Variants in LYZL4 observed in about 807,000 individuals in gnomAD.
LYZL4 encodes lysozyme like 4.
LYZL4 carries 13 observed loss-of-function variants against 17.6 expected under a neutral mutation model. The ratio of observed to expected loss-of-function variants is 0.74; its 90% CI spans 0.48 to 1.18. LYZL4 has a LOEUF of 1.18. LYZL4 is among the 50% of genes most tolerant of loss of function. The probability of loss-of-function intolerance (pLI) is 0.00; values close to 1 mark genes in which losing one functional copy is unlikely to be tolerated. For synonymous variants in LYZL4, 64 were observed against 67.7 expected, an observed-to-expected ratio of 0.95 and a Z score of 0.27; for missense variants, 174 against 188.2, an observed-to-expected ratio of 0.92 and a Z score of 0.44.
At chr3:42,384,922 CAAAGCAT>C in the LYZL4 span, among the ~76,000 whole-genome samples, 7 of 152,086 alleles carry the variant, frequency 4.6e-5, no homozygotes, top group Non-Finnish European at 8.8e-5. Context: ...GGTAAATACC[CAAAGCAT>C]CAGCTGAAAG....
rs772210164 is a variant in LYZL4 at position 42,404,041 on chromosome 3, C to T, written c.371+5G>A. 4.4e-6 allele frequency: 7 copies of T among 1,592,076 alleles called. No individual in the cohort carries two copies. In the South Asian group the frequency reaches 4.4e-5, roughly 10 times the overall value. On this transcript the variant is annotated splice_donor_5th_base_variant and intron_variant, in intron 4 of 4. Coordinates refer to ENST00000287748, the MANE Select transcript of LYZL4 (RefSeq NM_144634.4). ...ATACAGGCTACATAAAAATGTAAGA[C>T]TTACCATGCTCCCATCCCTTCTTTT...
intron 4 of LYZL4, among the ~76,000 whole-genome samples, chr3:42,398,895 A>G (rs926240286): frequency 6.6e-6 from 1 of 152,218 alleles, no homozygotes; most frequent in Non-Finnish European, 1.5e-5. Context: ...AATACCATAA[A>G]ATCAAAATAC....
At chr3:42,386,346 GC>G in the LYZL4 span, among the ~76,000 whole-genome samples, 2 of 145,766 alleles carry the variant, frequency 1.4e-5, no homozygotes, top group Admixed American at 1.4e-4. Flanking sequence ...CAAGTGATCT[GC>G]CCGCCTCAGC....
chr3:42,389,915 C>G, the LYZL4 span, among the ~76,000 whole-genome samples: 51,582 of 151,976 alleles, frequency 0.34, 9,219 homozygotes, highest in African/African-American at 0.46. Flanking sequence ...AGAAAAAGCT[C>G]CGACAAAGTT....
At chr3:42,392,243 C>A (rs1021915034), downstream of LYZL4, among the ~76,000 whole-genome samples, 1 of 152,084 alleles carries the variant, frequency 6.6e-6, no homozygotes, top group African/African-American at 2.4e-5. Context: ...GCTGGGAGCA[C>A]CCGCAGTTCA....
At chr3:42,400,342 G>T (rs17074392) in intron 4 of LYZL4, among the ~76,000 whole-genome samples, 4,556 of 152,232 alleles carry the variant, frequency 0.03, 226 homozygotes, top group African/African-American at 0.1. Flanking sequence ...CCATCTCTTT[G>T]AGTATAACCT....
chr3:42,407,361 G>A lies in LYZL4; in HGVS notation c.-92-18C>T. ...GAAGGGCACTGTGGGGGTGGGGGTG[G>A]AGCACAGTTCAGTGTCATCAGAAAA... On this transcript the variant is annotated intron_variant, in intron 1 of 4. Transcript: ENST00000287748. 1 of 1,434,302 alleles carries A rather than the reference G, an allele frequency of 7.0e-7. No homozygotes were observed. 88.8% of individuals were successfully genotyped at this position (1,434,302 alleles called of 1,614,324 possible).
chr3:42,360,875 G>T, the LYZL4 span, among the ~76,000 whole-genome samples: 2 of 151,958 alleles, frequency 1.3e-5, no homozygotes, highest in Non-Finnish European at 2.9e-5. Context: ...CGTCATATCT[G>T]TGTTACTAAT....
At chr3:42,395,055 G>A (rs950442900), downstream of LYZL4, among the ~76,000 whole-genome samples, 4 of 152,308 alleles carry the variant, frequency 2.6e-5, no homozygotes, top group African/African-American at 7.2e-5. Flanking sequence ...TATGATTCAT[G>A]CTGTGTGGTT....
chr3:42,378,218 C>T, the LYZL4 span, among the ~76,000 whole-genome samples: 1 of 152,178 alleles, frequency 6.6e-6, no homozygotes, highest in African/African-American at 2.4e-5. Context: ...CCCCTAGTTT[C>T]TCCCAGGCAT....
the LYZL4 span, among the ~76,000 whole-genome samples, chr3:42,389,138 G>A: frequency 2.0e-5 from 3 of 152,280 alleles, no homozygotes; most frequent in East Asian, 3.9e-4. Context: ...CAGGACCCTC[G>A]GAGGTGCTCA....
chr3:42,375,517 C>T, the LYZL4 span, among the ~76,000 whole-genome samples: 1 of 152,178 alleles, frequency 6.6e-6, no homozygotes, highest in Non-Finnish European at 1.5e-5. Flanking sequence ...ATCTTGTCTA[C>T]ATAATAGGAT....
downstream of LYZL4, among the ~76,000 whole-genome samples, chr3:42,393,552 G>C (rs1698516240): frequency 6.6e-6 from 1 of 152,174 alleles, no homozygotes; most frequent in African/African-American, 2.4e-5. Flanking sequence ...GAAAAATGAG[G>C]CTCAAGGAAT....
At chr3:42,363,708 A>G in the LYZL4 span, among the ~76,000 whole-genome samples, 1 of 152,242 alleles carries the variant, frequency 6.6e-6, no homozygotes, top group African/African-American at 2.4e-5. Context: ...AATTGAGGTA[A>G]CAGATGTAGA....
the LYZL4 span, among the ~76,000 whole-genome samples, chr3:42,364,795 G>A: frequency 3.8e-4 from 58 of 152,232 alleles, no homozygotes; most frequent in African/African-American, 1.2e-3. Flanking sequence ...TTTTTGGCGT[G>A]TGAGACAAGA....
the LYZL4 span, among the ~76,000 whole-genome samples, chr3:42,364,534 G>A: frequency 3.3e-5 from 5 of 151,746 alleles, no homozygotes; most frequent in South Asian, 2.1e-4. Context: ...TAGTAGAGAC[G>A]GGGTTTCACC....
chr3:42,372,497 AG>A, the LYZL4 span, among the ~76,000 whole-genome samples: 2 of 152,214 alleles, frequency 1.3e-5, no homozygotes, highest in African/African-American at 4.8e-5. Context: ...AGTTACAGAA[AG>A]GAAGACAGTG....
the LYZL4 span, among the ~76,000 whole-genome samples, chr3:42,386,411 C>A: frequency 8.5e-6 from 1 of 117,122 alleles, no homozygotes; most frequent in Non-Finnish European, 1.9e-5. Context: ...CCCCCCCCCC[C>A]CGCCTCCCTC....
At chr3:42,373,279 A>T in the LYZL4 span, among the ~76,000 whole-genome samples, 2 of 152,088 alleles carry the variant, frequency 1.3e-5, no homozygotes, top group Non-Finnish European at 2.9e-5. Context: ...GAGCCTGGGG[A>T]GGTGGAAACT....
Sources: allele counts gnomAD v4.1 joint callset (sites outside exome capture counted in the v4.1 genomes callset), GRCh38; gene constraint gnomAD v4.1.1; transcripts MANE v1.5; gene names NCBI Gene and HGNC (gene_info 2026-07-23, HGNC 2026-07-21).